Variants in FAT3 observed in about 807,000 individuals in gnomAD.
FAT3 encodes the protein FAT atypical cadherin 3, also known as protocadherin Fat 3.
A neutral mutation model predicts 310.2 loss-of-function variants in FAT3; 95 were observed. The observed-to-expected ratio is 0.31, with a 90% CI of 0.26 to 0.36. The LOEUF is 0.36. FAT3 is among the 10% of genes least tolerant of loss of function. The pLI, the probability that FAT3 is intolerant of heterozygous loss-of-function variation, is 1.00. For missense variants in FAT3, 5,408 were observed against 5,715.6 expected (o/e 0.95, Z 1.74); for synonymous variants, 2,314 against 2,192.9 (o/e 1.06, Z -1.54).
At chr11:92,872,575 A>G (rs1363135080) in intron 22 of FAT3, among the ~76,000 whole-genome samples, 1 of 152,240 alleles carries the variant, frequency 6.6e-6, no homozygotes. Flanking sequence ...AACAGCATTA[A>G]TAATTATAGA....
At chr11:92,720,403 G>A (rs1375210540) in intron 4 of FAT3, among the ~76,000 whole-genome samples, 1 of 152,062 alleles carries the variant, frequency 6.6e-6, no homozygotes, top group Non-Finnish European at 1.5e-5. Flanking sequence ...AATATAATTA[G>A]GTTAACCTTT....
intron 2 of FAT3, among the ~76,000 whole-genome samples, chr11:92,402,731 CAA>C (rs545875608): frequency 1.6e-5 from 2 of 123,944 alleles, no homozygotes; most frequent in Non-Finnish European, 3.4e-5. Flanking sequence ...GACCCCCTCT[CAA>C]AAAAAAAAAG....
chr11:92,492,471 GAATA>G (rs1192854859), intron 2 of FAT3, among the ~76,000 whole-genome samples: 10 of 152,064 alleles, frequency 6.6e-5, no homozygotes, highest in African/African-American at 2.4e-4. Flanking sequence ...GATAATACGT[GAATA>G]ATCTAAAACA....
chr11:92,612,505 C>T (rs1276573592), intron 3 of FAT3, among the ~76,000 whole-genome samples: 1 of 151,984 alleles, frequency 6.6e-6, no homozygotes, highest in Non-Finnish European at 1.5e-5. Flanking sequence ...TGAATAAAGC[C>T]AGGATTTCTA....
Position 92,671,718 on chromosome 11 carries a change from C to T in FAT3, c.3608-25666C>T, listed in dbSNP as rs143424843. Among the ~76,000 whole-genome samples the T allele has an allele frequency of 7.4e-3, 1,125 of 152,226 alleles. 5 individuals are homozygous for T. Among genetic ancestry groups the T allele is most frequent in the Middle Eastern group, 0.02 (6 of 294 alleles). ...CTGTACATTCCATGAAGGCATGCAT[C>T]GGATCTGTTTTGCTCTTCATTATAT... On this transcript the variant is annotated intron_variant, in intron 3 of 27. Coordinates refer to ENST00000525166, the MANE Select transcript of FAT3 (RefSeq NM_001367949.2).
chr11:92,371,005 T>G (rs1485081879), intron 2 of FAT3, among the ~76,000 whole-genome samples: 2 of 152,206 alleles, frequency 1.3e-5, no homozygotes, highest in Non-Finnish European at 2.9e-5. Flanking sequence ...CCTACTTACT[T>G]TCACTTTGCA....
At position 92,401,678 on chromosome 11, in the gene FAT3, C is replaced by G. The variant is rs186093760; in HGVS notation, c.3292+46274C>G. Among the ~76,000 whole-genome samples the G allele has an allele frequency of 9.6e-4, 146 of 152,274 alleles. 1 individual carries two copies. The highest frequency in any genetic ancestry group is 1.1e-3 in the Non-Finnish European group (76 of 68,022). ...CCTCCCCTACACTCCACCACAATGA[C>G]AAGGCTCCAGTAATAATAATAGGGG... On this transcript the variant is annotated intron_variant, in intron 2 of 27. Coordinates refer to ENST00000525166, the MANE Select transcript of FAT3 (RefSeq NM_001367949.2).
intron 24 of FAT3, 62 bp from the exon 25 acceptor site, chr11:92,886,938 G>A (rs945661510): frequency 5.3e-6 from 7 of 1,333,136 alleles, no homozygotes; most frequent in Non-Finnish European, 5.3e-6. Flanking sequence ...GGGTGGGTGG[G>A]ACTGGAAATA....
intron 3 of FAT3, among the ~76,000 whole-genome samples, chr11:92,593,477 G>A (rs947323807): frequency 2.6e-5 from 4 of 151,298 alleles, no homozygotes; most frequent in African/African-American, 9.7e-5. Flanking sequence ...CCTAATGAAT[G>A]TGAGGTGGTC....
chr11:92,471,184 C>T (rs969747906), intron 2 of FAT3, among the ~76,000 whole-genome samples: 1 of 151,956 alleles, frequency 6.6e-6, no homozygotes, highest in East Asian at 1.9e-4. Context: ...GATAAGTATC[C>T]GAAGCCTAAA....
At chr11:92,372,215 C>A (rs1240710277) in intron 2 of FAT3, among the ~76,000 whole-genome samples, 3 of 152,092 alleles carry the variant, frequency 2.0e-5, no homozygotes, top group Non-Finnish European at 4.4e-5. Context: ...TCTGTGGGTA[C>A]CATCTGGTCA....
At chr11:92,673,779 G>T (rs985647191) in intron 3 of FAT3, among the ~76,000 whole-genome samples, 1 of 152,098 alleles carries the variant, frequency 6.6e-6, no homozygotes, top group African/African-American at 2.4e-5. Flanking sequence ...AGTCTGGAAT[G>T]GAGATGGTCC....
At chr11:92,633,484 C>A (rs1163273990) in intron 3 of FAT3, among the ~76,000 whole-genome samples, 1 of 152,120 alleles carries the variant, frequency 6.6e-6, no homozygotes, top group African/African-American at 2.4e-5. Context: ...AAGTGGGGGT[C>A]AGCATAATCT....
At chr11:92,565,323 C>T (rs1217327590) in intron 3 of FAT3, among the ~76,000 whole-genome samples, 1 of 147,628 alleles carries the variant, frequency 6.8e-6, no homozygotes, top group Non-Finnish European at 1.5e-5. Context: ...TACACTCTCC[C>T]AAGACTAAAC....
chr11:92,291,127 G>T (rs909226508), intron 1 of FAT3, among the ~76,000 whole-genome samples: 2 of 79,164 alleles, frequency 2.5e-5, no homozygotes, highest in Admixed American at 1.4e-4. Context: ...ATGCACGCGC[G>T]CAGAAGTAGG....
Position 92,894,142 on chromosome 11 carries a change from T to C in FAT3, c.*3029T>C. On this transcript the variant is annotated 3_prime_UTR_variant, in exon 28 of 28. Coordinates refer to ENST00000525166, the MANE Select transcript of FAT3 (RefSeq NM_001367949.2). The stretch of plus-strand genomic sequence containing the variant: ...TATAAAAGAAAATTCATGGAGAATA[T>C]TTTTCTGAAAGCCTCATGATCTTAT... 6.6e-6 allele frequency: 1 copy of C among 152,214 alleles called. No homozygotes were observed. The highest frequency in any genetic ancestry group is 1.9e-4 in the East Asian group (1 of 5,198). 9.4% of individuals were successfully genotyped at this position (152,214 alleles called of 1,614,324 possible).
intron 4 of FAT3, among the ~76,000 whole-genome samples, chr11:92,755,645 A>G (rs916660684): frequency 6.6e-6 from 1 of 152,242 alleles, no homozygotes; most frequent in African/African-American, 2.4e-5. Flanking sequence ...GTTGTATATC[A>G]TAAGTATTTG....
At chr11:92,558,402 ATG>A (rs58362077) in intron 3 of FAT3, among the ~76,000 whole-genome samples, 2,163 of 150,080 alleles carry the variant, frequency 0.014, 62 homozygotes, top group African/African-American at 0.048. Flanking sequence ...TGTTGTGTTT[ATG>A]TGTGTGTGTG....
At chr11:92,879,810 T>C (rs921874990) in intron 22 of FAT3, among the ~76,000 whole-genome samples, 3 of 152,062 alleles carry the variant, frequency 2.0e-5, no homozygotes, top group Admixed American at 1.3e-4. Flanking sequence ...GAAGGAAATA[T>C]TGAAATACCA....
Sources: allele counts gnomAD v4.1 joint callset (sites outside exome capture counted in the v4.1 genomes callset), GRCh38; gene constraint gnomAD v4.1.1; transcripts MANE v1.5; gene names NCBI Gene and HGNC (gene_info 2026-07-23, HGNC 2026-07-21).